Variants in CLNK observed in about 807,000 individuals in gnomAD.
CLNK encodes the protein cytokine-dependent hematopoietic cell linker.
Under a neutral mutation model 68.6 loss-of-function variants are expected in CLNK, and 74 were observed. That is an observed-to-expected ratio of 1.08 (90% CI 0.89 to 1.31). The LOEUF (loss-of-function observed/expected upper bound fraction) is 1.31, where lower values mean the gene tolerates loss of function less well. Ranked by LOEUF, CLNK falls within the 50% of genes most tolerant of loss-of-function variation. CLNK has a pLI of 0.00. For missense variants in CLNK, 553 were observed against 515.3 expected (o/e 1.07, Z -0.71); for synonymous variants, 198 against 172.2 (o/e 1.15, Z -1.17).
the CLNK span, among the ~76,000 whole-genome samples, chr4:10,728,564 C>G: frequency 1.3e-5 from 2 of 148,764 alleles, no homozygotes; most frequent in Non-Finnish European, 3.0e-5. Flanking sequence ...GGTCACTGAT[C>G]TGTGTGTGAT....
the CLNK span, among the ~76,000 whole-genome samples, chr4:10,728,783 G>A: frequency 6.6e-6 from 1 of 151,908 alleles, no homozygotes; most frequent in East Asian, 1.9e-4. Context: ...TTTTAGTAGA[G>A]ACGGGGTTTC....
intron 4 of CLNK, among the ~76,000 whole-genome samples, chr4:10,572,324 C>A (rs1720385643): frequency 6.6e-6 from 1 of 152,138 alleles, no homozygotes; most frequent in African/African-American, 2.4e-5. Flanking sequence ...AGTTATGGAC[C>A]AGGTGTTTGT....
At chr4:10,493,941 C>T (rs1716700719) in intron 18 of CLNK, among the ~76,000 whole-genome samples, 1 of 152,212 alleles carries the variant, frequency 6.6e-6, no homozygotes, top group Admixed American at 6.5e-5. Context: ...ATATGCAGTA[C>T]AGCATTCAGA....
At chr4:10,641,519 C>G (rs1468662512) in intron 2 of CLNK, among the ~76,000 whole-genome samples, 3 of 152,198 alleles carry the variant, frequency 2.0e-5, no homozygotes, top group Non-Finnish European at 4.4e-5. Context: ...GTAGTGGATA[C>G]TGTACTGTGA....
chr4:10,707,029 G>A, the CLNK span, among the ~76,000 whole-genome samples: 106 of 55,190 alleles, frequency 1.9e-3, no homozygotes, highest in African/African-American at 5.2e-3. Flanking sequence ...CAATCCACCT[G>A]CTTAGGCCTC....
intron 17 of CLNK, among the ~76,000 whole-genome samples, chr4:10,504,793 A>C (rs1246167741): frequency 6.6e-6 from 1 of 152,260 alleles, no homozygotes; most frequent in Non-Finnish European, 1.5e-5. Flanking sequence ...TAATGCTGAA[A>C]TTTAAAATAA....
intron 2 of CLNK, among the ~76,000 whole-genome samples, chr4:10,661,144 G>A (rs765865669): frequency 6.6e-6 from 1 of 152,150 alleles, no homozygotes; most frequent in Non-Finnish European, 1.5e-5. Flanking sequence ...TGCCCCTGGA[G>A]GTCGAAAGCA....
intron 1 of CLNK, among the ~76,000 whole-genome samples, chr4:10,683,482 A>G (rs2108905028): frequency 6.6e-6 from 1 of 152,318 alleles, no homozygotes; most frequent in Middle Eastern, 3.4e-3. Flanking sequence ...ACTGTTCACC[A>G]TTCCAATCAG....
At chr4:10,695,516 A>C in the CLNK span, among the ~76,000 whole-genome samples, 1 of 152,272 alleles carries the variant, frequency 6.6e-6, no homozygotes, top group African/African-American at 2.4e-5. Flanking sequence ...CTTTTCTCTC[A>C]AGCTAAACTC....
At chr4:10,540,201 C>A (rs1718957420) in intron 11 of CLNK, among the ~76,000 whole-genome samples, 1 of 152,198 alleles carries the variant, frequency 6.6e-6, no homozygotes, top group Non-Finnish European at 1.5e-5. Flanking sequence ...GGCTCTTCGC[C>A]ATTTGCTTTG....
intron 1 of CLNK, among the ~76,000 whole-genome samples, chr4:10,676,523 T>C (rs988283263): frequency 6.6e-6 from 1 of 151,824 alleles, no homozygotes; most frequent in Admixed American, 6.6e-5. Context: ...CTCAAGGCAA[T>C]GTGACTGTGC....
the CLNK span, among the ~76,000 whole-genome samples, chr4:10,720,491 C>T: frequency 6.6e-6 from 1 of 151,888 alleles, no homozygotes; most frequent in African/African-American, 2.4e-5. Flanking sequence ...AAATGTTCAA[C>T]ATCATTAGGT....
chr4:10,679,603 T>G, intron 1 of CLNK, among the ~76,000 whole-genome samples: 1 of 152,186 alleles, frequency 6.6e-6, no homozygotes, highest in Non-Finnish European at 1.5e-5. Context: ...AGAAAATTTT[T>G]GCAATCTACT....
At position 10,578,649 on chromosome 4, in the gene CLNK, C is replaced by T. The variant is rs139862916; in HGVS notation, c.112+6278G>A. Among the ~76,000 whole-genome samples, 619 of 129,480 alleles carry T rather than the reference C, an allele frequency of 4.8e-3. 12 individuals are homozygous for T. Among genetic ancestry groups the T allele is most frequent in the Non-Finnish European group, 1.6e-3 (102 of 64,492 alleles). The allele number at this position is 129,480 out of a possible 152,430, so 84.9% of individuals were successfully genotyped here. ...TCACCCAGGCTGGAGTGCAGTGGCA[C>T]AATCTTGGTTCACTGCAACCTCTGC... On this transcript the variant is annotated intron_variant, in intron 4 of 18. Coordinates refer to ENST00000226951, the MANE Select transcript of CLNK (RefSeq NM_052964.4).
intron 1 of CLNK, among the ~76,000 whole-genome samples, chr4:10,670,169 G>A (rs1417860325): frequency 6.6e-6 from 1 of 152,202 alleles, no homozygotes; most frequent in Non-Finnish European, 1.5e-5. Flanking sequence ...TATGAAACAC[G>A]GATATGCAAT....
At chr4:10,605,898 A>G (rs964584613) in intron 2 of CLNK, among the ~76,000 whole-genome samples, 1 of 151,896 alleles carries the variant, frequency 6.6e-6, no homozygotes, top group African/African-American at 2.4e-5. Flanking sequence ...GGCACTTACC[A>G]TGAATGAAGC....
chr4:10,508,578 G>A (rs1384009527), intron 16 of CLNK, among the ~76,000 whole-genome samples: 1 of 152,144 alleles, frequency 6.6e-6, no homozygotes. Context: ...TTCTTTTGAT[G>A]ATAAAATCCA....
intron 4 of CLNK, among the ~76,000 whole-genome samples, chr4:10,577,190 G>A (rs960398875): frequency 6.6e-6 from 1 of 152,206 alleles, no homozygotes; most frequent in African/African-American, 2.4e-5. Flanking sequence ...AAGCCAGACA[G>A]GTTCCCCAAG....
chr4:10,527,970 G>T, intron 13 of CLNK, 106 bp downstream of exon 13: 1 of 551,534 alleles, frequency 1.8e-6, no homozygotes. Flanking sequence ...CCCCATCCCA[G>T]GCTTCCAAAC....
Sources: gnomAD v4.1 joint callset for allele counts (sites outside exome capture counted in the v4.1 genomes callset) on GRCh38, gnomAD v4.1.1 for gene constraint, MANE v1.5 for transcripts, NCBI Gene and HGNC (gene_info 2026-07-23, HGNC 2026-07-21) for gene names.